The following RHEX variants were observed in gnomAD, a reference collection of about 807,000 sequenced individuals.
The protein encoded by RHEX is regulator of hemoglobinization and erythroid cell expansion.
In RHEX, 18 loss-of-function variants were observed where a neutral mutation model predicts 20.1. The ratio of observed to expected loss-of-function variants is 0.90; its 90% CI spans 0.62 to 1.33. RHEX has a LOEUF of 1.33. RHEX is among the 40% of genes most tolerant of loss of function. The pLI is 0.00. For missense variants in RHEX, 192 were observed against 214.3 expected (o/e 0.90, Z 0.65); for synonymous variants, 87 against 77.1 (o/e 1.13, Z -0.67).
At chr1:206,092,622 T>A (rs191424780) in intron 1 of RHEX, among the ~76,000 whole-genome samples, 1 of 152,348 alleles carries the variant, frequency 6.6e-6, no homozygotes, top group African/African-American at 2.4e-5. Context: ...TAGGAAACTA[T>A]CCATTTTACT....
chr1:206,063,804 C>T (rs1363297626), intron 1 of RHEX, among the ~76,000 whole-genome samples: 3 of 151,944 alleles, frequency 2.0e-5, no homozygotes, highest in Non-Finnish European at 4.4e-5. Context: ...AGCCTCTGCC[C>T]GGCCGCCACC....
chr1:206,088,605 C>G (rs1553286632), intron 1 of RHEX, among the ~76,000 whole-genome samples: 1 of 152,134 alleles, frequency 6.6e-6, no homozygotes, highest in African/African-American at 2.4e-5. Flanking sequence ...ATTGCTTGAA[C>G]CTGGGAGGCG....
At chr1:206,086,759 A>G (rs1263004426) in intron 1 of RHEX, among the ~76,000 whole-genome samples, 1 of 152,242 alleles carries the variant, frequency 6.6e-6, no homozygotes, top group East Asian at 1.9e-4. Context: ...CTGTAATCCC[A>G]GCACTTTGGG....
chr1:206,092,516 A>G (rs1571870955), intron 1 of RHEX, among the ~76,000 whole-genome samples: 1 of 152,132 alleles, frequency 6.6e-6, no homozygotes, highest in Non-Finnish European at 1.5e-5. Flanking sequence ...GCTAGATACC[A>G]TGCTCCTTCC....
chr1:206,062,181 G>A (rs971862551), intron 1 of RHEX: 1 of 152,268 alleles, frequency 6.6e-6, no homozygotes, highest in Non-Finnish European at 1.5e-5. Flanking sequence ...CTGCACTCCA[G>A]CCTGGCAACA....
At chr1:206,094,882 A>G (rs1246611238) in intron 1 of RHEX, among the ~76,000 whole-genome samples, 1 of 152,206 alleles carries the variant, frequency 6.6e-6, no homozygotes, top group Non-Finnish European at 1.5e-5. Flanking sequence ...AGTTTTGTAT[A>G]AAGGGCCAAA....
intron 1 of RHEX, among the ~76,000 whole-genome samples, chr1:206,088,660 G>A (rs1662884452): frequency 1.3e-5 from 2 of 152,104 alleles, no homozygotes; most frequent in Admixed American, 1.3e-4. Flanking sequence ...TCCAGCCTGG[G>A]GACAGAGCGA....
At chr1:206,081,449 A>G (rs1662733654) in intron 1 of RHEX, among the ~76,000 whole-genome samples, 1 of 152,234 alleles carries the variant, frequency 6.6e-6, no homozygotes, top group Admixed American at 6.5e-5. Flanking sequence ...ACAATGAGAT[A>G]TAAGAAAAAT....
intron 1 of RHEX, among the ~76,000 whole-genome samples, chr1:206,084,443 T>C (rs1193814477): frequency 6.6e-6 from 1 of 152,184 alleles, no homozygotes; most frequent in African/African-American, 2.4e-5. Flanking sequence ...TATTTTCCAG[T>C]TGAAGAAACT....
Position 206,101,144 on chromosome 1 carries a change from G to A in RHEX, c.265G>A (p.Asp89Asn), listed in dbSNP as rs1005279810. 6 of 1,612,618 alleles carry A rather than the reference G, an allele frequency of 3.7e-6. No individual in the cohort carries two copies. The highest frequency in any genetic ancestry group is 3.4e-6 in the Non-Finnish European group (4 of 1,179,388). ...MSDSLYRHDS[D>N]TPSDSLDSSC... The stretch of plus-strand genomic sequence containing the variant: ...TTTCTATTTCTCCCCAGATGACAGC[G>A]ACACACCCTCAGATAGCTTGGATAG... Residue 89 changes from aspartate (D) to asparagine (N), a missense_variant, in exon 5 of 6, where the codon GAC becomes AAC. Physicochemically the swap from Asp to Asn is conservative, Grantham distance 23. Coordinates refer to ENST00000331555, the MANE Select transcript of RHEX (RefSeq NM_001007544.4).
intron 1 of RHEX, among the ~76,000 whole-genome samples, chr1:206,058,141 C>T (rs573790024): frequency 6.6e-6 from 1 of 152,364 alleles, no homozygotes; most frequent in Admixed American, 6.5e-5. Flanking sequence ...GTGGCACGGA[C>T]TCAATCTGGG....
rs536032347 is a variant in RHEX, at chr1:206,075,757, G to A, written c.-96-21976G>A. On this transcript the variant is annotated intron_variant, in intron 1 of 5. Transcript: ENST00000331555. ...TGGGATTACGGGTGCCCACCACTAC[G>A]CCCGGCTAACATTTTTGTATTTTTA... 5.9e-5 allele frequency among the ~76,000 whole-genome samples: 9 copies of A among 151,966 alleles called. No individual in the cohort carries two copies. In the East Asian group the frequency reaches 1.4e-3, roughly 23 times the overall value.
At chr1:206,098,203 T>C in intron 3 of RHEX, 22 bp downstream of exon 3, 2 of 1,502,060 alleles carry the variant, frequency 1.3e-6, no homozygotes, top group Non-Finnish European at 9.3e-7. Flanking sequence ...AGCATCCTCT[T>C]CCCTCCTAGT....
chr1:206,065,660 T>C (rs973880388), intron 1 of RHEX, among the ~76,000 whole-genome samples: 23 of 152,268 alleles, frequency 1.5e-4, no homozygotes, highest in African/African-American at 5.3e-4. Flanking sequence ...GGTGAGAGGA[T>C]AGGGACAGGA....
intron 1 of RHEX, among the ~76,000 whole-genome samples, chr1:206,081,896 C>T (rs1044526659): frequency 1.3e-5 from 2 of 152,148 alleles, no homozygotes; most frequent in Non-Finnish European, 2.9e-5. Flanking sequence ...GGCATGATCC[C>T]CACAGTTAGC....
intron 1 of RHEX, among the ~76,000 whole-genome samples, chr1:206,057,073 T>A: frequency 1.3e-5 from 2 of 152,374 alleles, no homozygotes; most frequent in South Asian, 4.1e-4. Flanking sequence ...AGTGTAAGCA[T>A]CCTAATAAAA....
Position 206,101,074 on chromosome 1 carries a change from C to T in RHEX, c.257-62C>T, listed in dbSNP as rs1663176430. ...AAGACAATTCTCCCTTCCATTGTCT[C>T]TATCCTCTCTTAACACCCTCTGGCT... On this transcript the variant is annotated intron_variant, in intron 4 of 5. Coordinates refer to ENST00000331555, the MANE Select transcript of RHEX (RefSeq NM_001007544.4). The T allele has an allele frequency of 3.0e-6, 4 of 1,339,624 alleles. No individual in the cohort carries two copies. The African/African-American group carries it at 5.8e-5, about 20-fold the overall frequency. The allele number at this position is 1,339,624 out of a possible 1,614,324, so 83.0% of individuals were successfully genotyped here.
chr1:206,092,651 A>AT (rs1662980020), intron 1 of RHEX, among the ~76,000 whole-genome samples: 2 of 152,194 alleles, frequency 1.3e-5, no homozygotes, highest in South Asian at 4.1e-4. Flanking sequence ...ATCAAAAAAA[A>AT]TTTTGTAGTC....
chr1:206,095,824 A>G (rs891975670), intron 1 of RHEX, among the ~76,000 whole-genome samples: 2 of 150,714 alleles, frequency 1.3e-5, no homozygotes, highest in African/African-American at 5.0e-5. Context: ...TCAAAAAAAA[A>G]GATTTGGGGT....
Sources: gnomAD v4.1 joint callset for allele counts (sites outside exome capture counted in the v4.1 genomes callset) on GRCh38, gnomAD v4.1.1 for gene constraint, MANE v1.5 for transcripts, NCBI Gene and HGNC (gene_info 2026-07-23, HGNC 2026-07-21) for gene names.